Variants in CREBBP observed in about 807,000 individuals in gnomAD.
CREBBP encodes the protein CREB-binding protein.
A neutral mutation model predicts 265.0 loss-of-function variants in CREBBP; 19 were observed. The observed-to-expected ratio is 0.07, with a 90% CI of 0.05 to 0.11. CREBBP has a LOEUF of 0.11. Ranked by LOEUF, CREBBP falls within the 10% of genes least tolerant of loss-of-function variation. CREBBP has a pLI of 1.00. For missense variants in CREBBP, 2,525 were observed against 3,219.0 expected, an observed-to-expected ratio of 0.78 and a Z score of 5.22; for synonymous variants, 1,457 against 1,223.7, an observed-to-expected ratio of 1.19 and a Z score of -3.98.
Position 3,793,481 on chromosome 16 carries a change from T to C in CREBBP, c.1121A>G (p.Asn374Ser), listed in dbSNP as rs1203383443. Residue 374 changes from asparagine (N) to serine (S), a missense_variant, in exon 4 of 31, where the codon AAC becomes AGC. Transcript: ENST00000262367. The stretch of plus-strand genomic sequence containing the variant: ...GAGCGAGCAGGCCCGAACCTCTCCG[T>C]TTGCTTGCTCTCGTCTCTGACACTT... ...AHKCQRREQA[N>S]GEVRACSLPH... The C allele has an allele frequency of 6.2e-7, 1 of 1,614,070 alleles. No individual in the cohort carries two copies. The highest frequency in any genetic ancestry group is 8.5e-7 in the Non-Finnish European group (1 of 1,180,020).
At chr16:3,819,350 A>G (rs936011616) in intron 2 of CREBBP, among the ~76,000 whole-genome samples, 5 of 152,224 alleles carry the variant, frequency 3.3e-5, no homozygotes, top group African/African-American at 1.2e-4. Flanking sequence ...ACAAGTTCCT[A>G]TATGCGAAGC....
chr16:3,805,550 C>CAG (rs1301275959), intron 3 of CREBBP, among the ~76,000 whole-genome samples: 1 of 152,208 alleles, frequency 6.6e-6, no homozygotes, highest in Non-Finnish European at 1.5e-5. Context: ...AAGACGACAA[C>CAG]AGAGAGAGAT....
In CREBBP at chr16:3,725,251, G is replaced by C. The variant is rs193262955; in HGVS notation, c.*2467C>G. 4.3e-6 allele frequency: 1 copy of C among 233,232 alleles called. No homozygotes were observed. Among genetic ancestry groups the C allele is most frequent in the Non-Finnish European group, 8.5e-6 (1 of 118,032 alleles). 14.4% of individuals were successfully genotyped at this position (233,232 alleles called of 1,614,324 possible). A position where few individuals can be genotyped will look rare whatever the true frequency, so the allele number is the denominator to read the frequency against. On this transcript the variant is annotated 3_prime_UTR_variant, in exon 31 of 31. Coordinates refer to ENST00000262367, the MANE Select transcript of CREBBP (RefSeq NM_004380.3). The stretch of plus-strand genomic sequence containing the variant: ...GTTAGCATCCACAGACCATGCTCTC[G>C]GTCACATCCTTCGACATCTGGATTG...
chr16:3,798,575 A>C (rs1270899530), intron 3 of CREBBP, among the ~76,000 whole-genome samples: 1 of 152,242 alleles, frequency 6.6e-6, no homozygotes, highest in Non-Finnish European at 1.5e-5. Flanking sequence ...ACATGAAAAG[A>C]TGTTGAACCT....
intron 25 of CREBBP, among the ~76,000 whole-genome samples, chr16:3,738,985 C>T (rs1443249850): frequency 6.6e-6 from 1 of 152,146 alleles, no homozygotes; most frequent in African/African-American, 2.4e-5. Context: ...TCCAGTTATC[C>T]TCCCACCTCG....
chr16:3,778,712 A>C lies in CREBBP; in HGVS notation c.1929T>G (p.Ser643=), dbSNP rs1311511582. ...AACAGCAACCTACCCTGCTGTTGGC[A>C]GACTCGTACATGTCCCCTTCCACTT... ...AKKVEGDMYE[S]ANSRDEYYHL... The change falls in exon 9 of 31, where the codon TCT becomes TCG. Residue 643 remains serine (S), a synonymous_variant. Transcript: ENST00000262367. The C allele has an allele frequency of 1.9e-6, 3 of 1,613,578 alleles. No individual in the cohort carries two copies. Among genetic ancestry groups the C allele is most frequent in the Admixed American group, 1.7e-5 (1 of 59,996 alleles).
At chr16:3,735,790 T>A (rs367673036) in intron 28 of CREBBP, among the ~76,000 whole-genome samples, 3 of 152,218 alleles carry the variant, frequency 2.0e-5, no homozygotes, top group East Asian at 1.9e-4. Context: ...TCCCATTTTC[T>A]GTCTTCCTCT....
At chr16:3,757,416 A>G (rs1295543688) in intron 18 of CREBBP, 40 bp from the exon 19 acceptor site, 1 of 1,464,882 alleles carries the variant, frequency 6.8e-7, no homozygotes, top group African/African-American at 1.4e-5. Context: ...ATAAAAATAC[A>G]TTCCATTTAC....
At chr16:3,865,982 C>T (rs2055171873) in intron 1 of CREBBP, among the ~76,000 whole-genome samples, 1 of 152,102 alleles carries the variant, frequency 6.6e-6, no homozygotes, top group South Asian at 2.1e-4. Context: ...GATATACTGG[C>T]CCAGGTGATT....
chr16:3,774,892 G>A, intron 11 of CREBBP, 199 bp from the exon 12 acceptor site: 2 of 694,850 alleles, frequency 2.9e-6, no homozygotes, highest in South Asian at 1.7e-5. Flanking sequence ...TCAATGTGGG[G>A]GTGGTGACGG....
At chr16:3,836,089 A>G (rs969951220) in intron 2 of CREBBP, among the ~76,000 whole-genome samples, 2 of 152,124 alleles carry the variant, frequency 1.3e-5, no homozygotes, top group African/African-American at 4.8e-5. Context: ...AAGTCATCAC[A>G]CTACATGATT....
At chr16:3,755,353 G>A (rs1176853074) in intron 19 of CREBBP, among the ~76,000 whole-genome samples, 1 of 152,214 alleles carries the variant, frequency 6.6e-6, no homozygotes, top group Admixed American at 6.5e-5. Context: ...AGAGACAGTG[G>A]TAAACAATCT....
At chr16:3,797,653 T>C (rs2053634145) in intron 3 of CREBBP, among the ~76,000 whole-genome samples, 1 of 152,092 alleles carries the variant, frequency 6.6e-6, no homozygotes. Flanking sequence ...TATTTTGTGA[T>C]TGCTGGTAAG....
chr16:3,824,481 G>A (rs2054200990), intron 2 of CREBBP, among the ~76,000 whole-genome samples: 1 of 152,232 alleles, frequency 6.6e-6, no homozygotes, highest in African/African-American at 2.4e-5. Flanking sequence ...TCAGGAGAGA[G>A]CTGGTTATTC....
At chr16:3,802,423 C>T (rs1296814583) in intron 3 of CREBBP, among the ~76,000 whole-genome samples, 16 of 151,946 alleles carry the variant, frequency 1.1e-4, no homozygotes, top group African/African-American at 2.7e-4. Context: ...TGAGCCACCG[C>T]GCCCAGCCTA....
chr16:3,742,390 A>G (rs539242156), intron 23 of CREBBP: 3 of 152,310 alleles, frequency 2.0e-5, no homozygotes, highest in African/African-American at 7.2e-5. Flanking sequence ...ATATGTGCAA[A>G]TATTTTTATA....
intron 5 of CREBBP, among the ~76,000 whole-genome samples, chr16:3,784,272 T>C (rs2053338814): frequency 6.6e-6 from 1 of 152,058 alleles, no homozygotes. Context: ...TGAAAAAAAA[T>C]TCCTGGTAAT....
At chr16:3,747,543 G>A (rs2052370001) in intron 21 of CREBBP, among the ~76,000 whole-genome samples, 1 of 152,188 alleles carries the variant, frequency 6.6e-6, no homozygotes, top group Non-Finnish European at 1.5e-5. Context: ...TCCTGCTGCA[G>A]GCTGTGCCAT....
chr16:3,736,471 G>C, intron 27 of CREBBP, 179 bp downstream of exon 27: 1 of 952,458 alleles, frequency 1.0e-6, no homozygotes, highest in Non-Finnish European at 1.6e-6. Context: ...ACGGCCAGGG[G>C]AAAGCCTCAA....
Sources: gnomAD v4.1 joint callset for allele counts (sites outside exome capture counted in the v4.1 genomes callset) on GRCh38, gnomAD v4.1.1 for gene constraint, MANE v1.5 for transcripts, NCBI Gene and HGNC (gene_info 2026-07-23, HGNC 2026-07-21) for gene names.